SHANK2: variants seen among roughly 807,000 people sequenced by gnomAD.
The protein encoded by SHANK2 is SH3 and multiple ankyrin repeat domains 2, also known as SH3 and multiple ankyrin repeat domains protein 2.
In SHANK2, 43 loss-of-function variants were observed where a neutral mutation model predicts 133.7. The ratio of observed to expected loss-of-function variants is 0.32; its 90% CI spans 0.25 to 0.41. The LOEUF (loss-of-function observed/expected upper bound fraction) is 0.41, where lower values mean the gene tolerates loss of function less well. SHANK2 is among the 10% of genes least tolerant of loss of function. SHANK2 has a pLI of 1.00. For missense variants in SHANK2, 1,994 were observed against 2,235.8 expected (o/e 0.89, Z 2.18); for synonymous variants, 1,017 against 952.8 (o/e 1.07, Z -1.24).
At chr11:71,154,737 G>A (rs563113664) in intron 2 of SHANK2, among the ~76,000 whole-genome samples, 5 of 118,950 alleles carry the variant, frequency 4.2e-5, no homozygotes, top group Middle Eastern at 5.1e-3. Flanking sequence ...CACGCTCCCA[G>A]AGGAGGGATG....
intron 11 of SHANK2, among the ~76,000 whole-genome samples, chr11:70,838,065 G>A (rs185827165): frequency 1.3e-4 from 20 of 150,498 alleles, no homozygotes; most frequent in Admixed American, 4.6e-4. Context: ...AGGAAGGCAC[G>A]TTCCTACCTC....
intron 17 of SHANK2, among the ~76,000 whole-genome samples, chr11:70,551,439 T>C (rs2059766906): frequency 6.6e-6 from 1 of 151,728 alleles, no homozygotes; most frequent in African/African-American, 2.4e-5. Flanking sequence ...TCCTACCACA[T>C]GCAGAATGTC....
At chr11:71,061,859 G>T (rs961788212) in intron 9 of SHANK2, among the ~76,000 whole-genome samples, 1 of 151,696 alleles carries the variant, frequency 6.6e-6, no homozygotes, top group Non-Finnish European at 1.5e-5. Flanking sequence ...CCCTTCCCCC[G>T]CTCTGCCCCA....
At chr11:71,081,522 T>G (rs1951300563) in intron 8 of SHANK2, among the ~76,000 whole-genome samples, 1 of 152,124 alleles carries the variant, frequency 6.6e-6, no homozygotes, top group African/African-American at 2.4e-5. Context: ...ATGTCACCTA[T>G]GTCAGGAGGG....
At chr11:71,212,781 C>T (rs537087973) in intron 2 of SHANK2, among the ~76,000 whole-genome samples, 83 of 152,330 alleles carry the variant, frequency 5.4e-4, no homozygotes, top group Non-Finnish European at 1.1e-3. Context: ...ACGTTCTTGC[C>T]ACCAGGAATC....
At chr11:70,566,682 C>T (rs1045104197) in intron 17 of SHANK2, 4 of 152,166 alleles carry the variant, frequency 2.6e-5, no homozygotes, top group African/African-American at 9.7e-5. Flanking sequence ...CCCTGCCCTT[C>T]CCCTCCCGTG....
At chr11:70,600,820 T>C (rs2060485498) in intron 17 of SHANK2, among the ~76,000 whole-genome samples, 1 of 152,138 alleles carries the variant, frequency 6.6e-6, no homozygotes, top group Non-Finnish European at 1.5e-5. Flanking sequence ...AGGACTTACA[T>C]ATGAAAGACA....
chr11:71,230,263 C>G (rs1333572460), intron 1 of SHANK2, among the ~76,000 whole-genome samples: 1 of 151,932 alleles, frequency 6.6e-6, no homozygotes, highest in Admixed American at 6.6e-5. Flanking sequence ...CTCCAGCCTC[C>G]AACCTGGGCA....
intron 2 of SHANK2, among the ~76,000 whole-genome samples, chr11:71,155,269 G>A (rs1293271599): frequency 9.7e-6 from 1 of 102,820 alleles, no homozygotes. Flanking sequence ...ACCTACCCCA[G>A]CCCACGCTCC....
intron 14 of SHANK2, among the ~76,000 whole-genome samples, chr11:70,751,555 G>A (rs1314269915): frequency 6.6e-6 from 1 of 152,150 alleles, no homozygotes; most frequent in Non-Finnish European, 1.5e-5. Flanking sequence ...ATACCAGAGA[G>A]CCTTTGAAAG....
chr11:71,217,430 G>C (rs1223253203), intron 2 of SHANK2, among the ~76,000 whole-genome samples: 1 of 152,036 alleles, frequency 6.6e-6, no homozygotes, highest in Non-Finnish European at 1.5e-5. Context: ...CATGATCCCT[G>C]GAAGTGGAGG....
intron 14 of SHANK2, among the ~76,000 whole-genome samples, chr11:70,791,484 G>A (rs533768565): frequency 1.3e-5 from 2 of 152,166 alleles, no homozygotes; most frequent in African/African-American, 4.8e-5. Flanking sequence ...ATAAATCTGG[G>A]CATGCCTCTG....
chr11:70,820,789 G>C, intron 11 of SHANK2, 107 bp from the exon 12 acceptor site: 1 of 569,228 alleles, frequency 1.8e-6, no homozygotes, highest in Non-Finnish European at 3.1e-6. Flanking sequence ...GCCCCCATGC[G>C]AGCCCAGCAG....
At chr11:70,491,722 C>T (rs567627391) in intron 22 of SHANK2, among the ~76,000 whole-genome samples, 14 of 152,220 alleles carry the variant, frequency 9.2e-5, no homozygotes, top group African/African-American at 1.4e-4. Context: ...CAGGAGGCCA[C>T]GCCTTGTTCA....
chr11:70,598,447 T>A (rs1460748477), intron 17 of SHANK2, among the ~76,000 whole-genome samples: 2 of 152,184 alleles, frequency 1.3e-5, no homozygotes, highest in African/African-American at 4.8e-5. Flanking sequence ...AATCCTTTCA[T>A]AAAGAAAACA....
intron 7 of SHANK2, among the ~76,000 whole-genome samples, chr11:71,093,062 G>GC (rs67536530): frequency 1.5e-5 from 2 of 134,262 alleles, no homozygotes; most frequent in East Asian, 5.0e-4. Flanking sequence ...GGGGGGGGGG[G>GC]GCAGGTATAA....
intron 10 of SHANK2, among the ~76,000 whole-genome samples, chr11:70,954,181 CCAAA>C (rs1223488221): frequency 3.3e-5 from 5 of 152,234 alleles, no homozygotes; most frequent in African/African-American, 9.6e-5. Context: ...GAAGGCACAA[CCAAA>C]CAGTCTTGTT....
chr11:70,922,351 C>T (rs1395264553), intron 10 of SHANK2, among the ~76,000 whole-genome samples: 1 of 152,174 alleles, frequency 6.6e-6, no homozygotes, highest in East Asian at 1.9e-4. Context: ...AGAAGTACTA[C>T]ATACATTAAG....
intron 2 of SHANK2, among the ~76,000 whole-genome samples, chr11:71,213,673 T>C (rs1954334356): frequency 2.0e-5 from 3 of 152,170 alleles, no homozygotes. Flanking sequence ...GAAAAGGTGG[T>C]GGCCACACCT....
Sources: gnomAD v4.1 joint callset for allele counts (sites outside exome capture counted in the v4.1 genomes callset) on GRCh38, gnomAD v4.1.1 for gene constraint, MANE v1.5 for transcripts, NCBI Gene and HGNC (gene_info 2026-07-23, HGNC 2026-07-21) for gene names.